EPHX2: variants seen among roughly 807,000 people sequenced by gnomAD.
The protein encoded by EPHX2 is bifunctional epoxide hydrolase 2.
Under a neutral mutation model 78.7 loss-of-function variants are expected in EPHX2, and 74 were observed. That is an observed-to-expected ratio of 0.94 (90% confidence interval 0.78 to 1.14). The LOEUF is 1.14. Ranked by LOEUF, EPHX2 falls within the 50% of genes most tolerant of loss-of-function variation. EPHX2 has a pLI of 0.00. For synonymous variants in EPHX2, 251 were observed against 255.2 expected (o/e 0.98, Z 0.16); for missense variants, 715 against 702.5 (o/e 1.02, Z -0.20).
intron 12 of EPHX2, among the ~76,000 whole-genome samples, chr8:27,534,416 C>T (rs944170070): frequency 2.6e-5 from 4 of 152,014 alleles, no homozygotes; most frequent in South Asian, 2.1e-4. Flanking sequence ...TTTGGGAGGC[C>T]GAGGCAGGCG....
In EPHX2 at chr8:27,536,809, A is replaced by G. The variant is rs1467505142; in HGVS notation, c.1196A>G (p.Gln399Arg). ...EPGVAEAELE[Q>R]NLSRTFKSLF... ...GGAGTGGCTGAGGCTGAACTGGAAC[A>G]GAACCTGAGTCGGACTTTCAAAAGC... The change falls in exon 13 of 19, where the codon CAG becomes CGG. Residue 399 changes from glutamine to arginine, a missense_variant. Coordinates refer to ENST00000521400, the MANE Select transcript of EPHX2 (RefSeq NM_001979.6). 4 of 1,613,290 alleles carry G rather than the reference A, an allele frequency of 2.5e-6. No homozygotes were observed. Among genetic ancestry groups the G allele is most frequent in the Non-Finnish European group, 3.4e-6 (4 of 1,179,676 alleles).
intron 7 of EPHX2, 79 bp downstream of exon 7, chr8:27,515,892 G>C (rs147507357): frequency 1.6e-6 from 2 of 1,262,896 alleles, no homozygotes; most frequent in Non-Finnish European, 2.3e-6. Context: ...GTGGACTGTC[G>C]TGAGGAAGCT....
intron 8 of EPHX2, 141 bp from the exon 9 acceptor site, chr8:27,517,897 A>C: frequency 4.5e-6 from 3 of 667,000 alleles, no homozygotes; most frequent in Non-Finnish European, 7.8e-6. Context: ...AGTCTACCTC[A>C]GTCTAAGGAT....
intron 12 of EPHX2, among the ~76,000 whole-genome samples, chr8:27,530,741 T>A: frequency 6.6e-6 from 1 of 151,784 alleles, no homozygotes; most frequent in African/African-American, 2.4e-5. Context: ...AAGCTTTAAC[T>A]ATTGTTACTT....
chr8:27,541,439 G>C, intron 15 of EPHX2, 34 bp from the exon 16 acceptor site: 1 of 1,609,684 alleles, frequency 6.2e-7, no homozygotes, highest in Non-Finnish European at 8.5e-7. Context: ...TCTACTTACT[G>C]CCTCCCTCTT....
intron 3 of EPHX2, 74 bp downstream of exon 3, chr8:27,503,837 G>A (rs752269686): frequency 2.1e-5 from 32 of 1,507,838 alleles, no homozygotes; most frequent in Middle Eastern, 2.4e-4. Flanking sequence ...AGAATCCATT[G>A]AAGTGAGCTT....
chr8:27,536,686 C>A, intron 12 of EPHX2, 98 bp from the exon 13 acceptor site: 1 of 1,234,534 alleles, frequency 8.1e-7, no homozygotes, highest in Non-Finnish European at 1.2e-6. Context: ...CTGGATGGGG[C>A]ACAGGTAGGG....
intron 11 of EPHX2, among the ~76,000 whole-genome samples, chr8:27,525,085 T>TGG: frequency 7.0e-6 from 1 of 143,436 alleles, no homozygotes; most frequent in South Asian, 2.2e-4. Context: ...TGTGTGTGTG[T>TGG]GTGTGTGTGT....
At chr8:27,502,524 A>G (rs150087223) in intron 2 of EPHX2, among the ~76,000 whole-genome samples, 1 of 152,344 alleles carries the variant, frequency 6.6e-6, no homozygotes, top group East Asian at 1.9e-4. Context: ...AACAACAGAC[A>G]TTTATAGCTC....
At chr8:27,505,487 C>T (rs1416860571) in intron 4 of EPHX2, among the ~76,000 whole-genome samples, 2 of 152,150 alleles carry the variant, frequency 1.3e-5, no homozygotes, top group African/African-American at 4.8e-5. Flanking sequence ...CAGGTTCATC[C>T]CCACAAAGGG....
At chr8:27,525,068 C>CTGTGTGTGTGTGTGTG (rs56963159) in intron 11 of EPHX2, among the ~76,000 whole-genome samples, 3 of 131,146 alleles carry the variant, frequency 2.3e-5, no homozygotes, top group African/African-American at 2.9e-5. Context: ...AGTATGTGTA[C>CTGTGTGTGTGTGTGTG]TGTGTGTGTG....
chr8:27,548,030 C>A (rs1437440979), downstream of EPHX2, among the ~76,000 whole-genome samples: 11 of 152,226 alleles, frequency 7.2e-5, no homozygotes, highest in Non-Finnish European at 2.9e-5. Flanking sequence ...TTCTCTCTCA[C>A]ACCCTCCAGC....
Position 27,500,770 on chromosome 8 carries a change from C to T in EPHX2, c.102-156C>T, listed in dbSNP as rs72474002. Among the ~76,000 whole-genome samples the T allele has an allele frequency of 0.01, 1,544 of 152,304 alleles. 77 individuals carry two copies. In the East Asian group the frequency reaches 0.11, roughly 11 times the overall value. The stretch of plus-strand genomic sequence containing the variant: ...GTCCTCAGCTGGATGGCTCCTTGCG[C>T]GCAAAGATCCCAATTTGAACTGCGT... On this transcript the variant is annotated intron_variant, in intron 1 of 18. Coordinates refer to ENST00000521400, the MANE Select transcript of EPHX2 (RefSeq NM_001979.6).
chr8:27,495,040 T>C (rs1238613603), intron 1 of EPHX2, among the ~76,000 whole-genome samples: 1 of 152,270 alleles, frequency 6.6e-6, no homozygotes, highest in Non-Finnish European at 1.5e-5. Flanking sequence ...GGTTTTCTTC[T>C]GCCTTTTCTC....
chr8:27,495,180 C>T (rs563993656), intron 1 of EPHX2, among the ~76,000 whole-genome samples: 9 of 152,348 alleles, frequency 5.9e-5, no homozygotes, highest in African/African-American at 2.2e-4. Context: ...ACCCCCTTTC[C>T]ATATTGCAGC....
chr8:27,546,177 A>G (rs894937334), downstream of EPHX2, among the ~76,000 whole-genome samples: 159 of 151,906 alleles, frequency 1.0e-3, no homozygotes, highest in Non-Finnish European at 1.4e-3. Context: ...CTGGAGCCAG[A>G]CCACCTAGGT....
At position 27,544,560 on chromosome 8, in the gene EPHX2, C is replaced by T; in HGVS notation, c.*38C>T. On this transcript the variant is annotated 3_prime_UTR_variant, in exon 19 of 19. Transcript: ENST00000521400. ...GCCCACGCTCAGCAGGTGTGCCATC[C>T]TTCCACCTGCTGGGGCACCATTCTT... 6.2e-7 allele frequency: 1 copy of T among 1,601,018 alleles called. No individual in the cohort carries two copies. Among genetic ancestry groups the T allele is most frequent in the Non-Finnish European group, 8.6e-7 (1 of 1,169,376 alleles).
chr8:27,495,980 A>G (rs1384183061), intron 1 of EPHX2, among the ~76,000 whole-genome samples: 2 of 152,182 alleles, frequency 1.3e-5, no homozygotes, highest in Non-Finnish European at 2.9e-5. Context: ...ATTAGAGCAT[A>G]GAGTGGCCTG....
At chr8:27,501,328 T>TTCTTCTTCTTCTTCC (rs1813765572) in intron 2 of EPHX2, among the ~76,000 whole-genome samples, 1 of 34,292 alleles carries the variant, frequency 2.9e-5, no homozygotes, top group Non-Finnish European at 5.3e-5. Flanking sequence ...ATATATTTTC[T>TTCTTCTTCTTCTTCC]TCTTCTTCTT....
Sources: gnomAD v4.1 joint callset for allele counts (sites outside exome capture counted in the v4.1 genomes callset) on GRCh38, gnomAD v4.1.1 for gene constraint, MANE v1.5 for transcripts, NCBI Gene and HGNC (gene_info 2026-07-23, HGNC 2026-07-21) for gene names.